EFHC2: variants seen among roughly 807,000 people sequenced by gnomAD.
EFHC2 encodes the protein EF-hand domain-containing family member C2.
In EFHC2, 18 loss-of-function variants were observed where a neutral mutation model predicts 52.7. That is an observed-to-expected ratio of 0.34 (90% CI 0.24 to 0.51). The LOEUF (loss-of-function observed/expected upper bound fraction) is 0.51, where lower values mean the gene tolerates loss of function less well. EFHC2 is among the 20% of genes least tolerant of loss of function. The probability of loss-of-function intolerance (pLI) is 0.97; values close to 1 mark genes in which losing one functional copy is unlikely to be tolerated. For missense variants in EFHC2, 513 were observed against 562.5 expected, an observed-to-expected ratio of 0.91 and a Z score of 0.89; for synonymous variants, 203 against 204.1, an observed-to-expected ratio of 0.99 and a Z score of 0.04.
intron 11 of EFHC2, among the ~76,000 whole-genome samples, chrX:44,226,933 G>A (rs2037237461): frequency 9.6e-6 from 1 of 103,628 alleles, no homozygotes; most frequent in African/African-American, 3.5e-5. Context: ...AGGAAGGAAG[G>A]AAGGAGAAGA....
At chrX:44,297,727 T>C (rs1333953994) in intron 2 of EFHC2, among the ~76,000 whole-genome samples, 1 of 59,929 alleles carries the variant, frequency 1.7e-5, no homozygotes. Flanking sequence ...AGACTCCATC[T>C]CAAAAAAAAA....
chrX:44,174,712 G>A (rs151313888), intron 13 of EFHC2, among the ~76,000 whole-genome samples: 169 of 108,663 alleles, frequency 1.6e-3, no homozygotes, highest in African/African-American at 5.3e-3. Context: ...CCATGTGGCT[G>A]GACTACTGGG....
At chrX:44,168,815 C>G (rs1341528100) in intron 13 of EFHC2, among the ~76,000 whole-genome samples, 1 of 110,764 alleles carries the variant, frequency 9.0e-6, no homozygotes, top group Non-Finnish European at 1.9e-5. Context: ...GGATTCTTCT[C>G]TCCACACTCT....
At position 44,148,558 on chromosome X, in the gene EFHC2, T is replaced by C; in HGVS notation, c.*237A>G. On this transcript the variant is annotated 3_prime_UTR_variant, in exon 15 of 15. Coordinates refer to ENST00000420999, the MANE Select transcript of EFHC2 (RefSeq NM_025184.4). ...TTTTTTGGTATTAATAAACCATACA[T>C]ATAATAAAAATATTCAACATGTTTT... 3.2e-6 allele frequency: 1 copy of C among 317,091 alleles called. No homozygotes were observed. Among genetic ancestry groups the C allele is most frequent in the East Asian group, 6.2e-5 (1 of 16,207 alleles). 26.1% of individuals were successfully genotyped at this position (317,091 alleles called of 1,213,427 possible).
chrX:44,235,742 C>A (rs907032705), intron 8 of EFHC2, among the ~76,000 whole-genome samples: 21 of 112,587 alleles, frequency 1.9e-4, no homozygotes, highest in Admixed American at 2.8e-4. Context: ...ACAGGCTGTT[C>A]TCTAATGACA....
chrX:44,308,083 T>C (rs1295696915), intron 2 of EFHC2, among the ~76,000 whole-genome samples: 3 of 112,170 alleles, frequency 2.7e-5, no homozygotes, highest in Admixed American at 9.5e-5. Flanking sequence ...GTGATTATTT[T>C]AAAGTATGAA....
chrX:44,300,725 T>C (rs1369233031), intron 2 of EFHC2, among the ~76,000 whole-genome samples: 2 of 111,541 alleles, frequency 1.8e-5, no homozygotes, highest in Admixed American at 9.5e-5. Flanking sequence ...GCCACAAGAT[T>C]AGTGATTATG....
At chrX:44,190,698 T>TG (rs2036913053) in intron 11 of EFHC2, among the ~76,000 whole-genome samples, 1 of 40,859 alleles carries the variant, frequency 2.4e-5, no homozygotes, top group Non-Finnish European at 4.1e-5. Flanking sequence ...ATAATGTTGA[T>TG]GGGGAAAAAA....
chrX:44,192,790 T>G (rs2036931926), intron 11 of EFHC2, among the ~76,000 whole-genome samples: 1 of 111,227 alleles, frequency 9.0e-6, no homozygotes, highest in Admixed American at 9.7e-5. Context: ...AAATGTGTTT[T>G]GTAAGTTCTA....
intron 13 of EFHC2, among the ~76,000 whole-genome samples, chrX:44,165,093 T>A (rs1030073239): frequency 7.2e-5 from 8 of 111,771 alleles, no homozygotes; most frequent in African/African-American, 2.6e-4. Flanking sequence ...AAATACAAAG[T>A]GGTCACTAGA....
At chrX:44,157,959 T>G (rs1030831346) in intron 14 of EFHC2, among the ~76,000 whole-genome samples, 1 of 111,077 alleles carries the variant, frequency 9.0e-6, no homozygotes, top group African/African-American at 3.3e-5. Context: ...ACTTCAAGAT[T>G]CCCCATCACT....
chrX:44,252,717 G>A (rs1428045527), intron 4 of EFHC2, among the ~76,000 whole-genome samples: 1 of 112,048 alleles, frequency 8.9e-6, no homozygotes, highest in East Asian at 2.8e-4. Flanking sequence ...TTTTCTCCCT[G>A]AGGGAATAAA....
rs149947383 is a variant in EFHC2, at chrX:44,317,347, G to A, written c.43-4591C>T. ...CAGTTTGCCAACATTCTGCATTTAT[G>A]AGAAAGTTTGCTGTTTACTCATATA... On this transcript the variant is annotated intron_variant, in intron 1 of 14. Transcript: ENST00000420999. 1.2e-3 allele frequency among the ~76,000 whole-genome samples: 132 copies of A among 112,561 alleles called. 1 individual carries two copies. Among genetic ancestry groups the A allele is most frequent in the African/African-American group, 4.0e-3 (125 of 31,060 alleles).
chrX:44,283,675 CTTTT>C (rs35434534), intron 2 of EFHC2, among the ~76,000 whole-genome samples: 9 of 42,591 alleles, frequency 2.1e-4, no homozygotes, highest in African/African-American at 9.0e-4. Context: ...ACGGAAGTAC[CTTTT>C]TTTTTTTTTT....
intron 3 of EFHC2, among the ~76,000 whole-genome samples, chrX:44,263,234 T>C (rs1174813070): frequency 8.9e-6 from 1 of 112,423 alleles, no homozygotes; most frequent in Non-Finnish European, 1.9e-5. Flanking sequence ...ATGGAGGTAT[T>C]TTAATATAAA....
chrX:44,280,030 T>TACACACACACACAC (rs766337222), intron 2 of EFHC2, among the ~76,000 whole-genome samples: 1,110 of 66,769 alleles, frequency 0.017, 49 homozygotes, highest in African/African-American at 0.039. Flanking sequence ...CCATCCCCCA[T>TACACACACACACAC]ACACACACAC....
chrX:44,233,608 T>C (rs1218815916), intron 9 of EFHC2, among the ~76,000 whole-genome samples: 2 of 111,478 alleles, frequency 1.8e-5, no homozygotes, highest in Non-Finnish European at 3.8e-5. Flanking sequence ...AAATGATAGG[T>C]GGTAAAAAGA....
chrX:44,323,885 C>G (rs1569308909), intron 1 of EFHC2, among the ~76,000 whole-genome samples: 1 of 111,428 alleles, frequency 9.0e-6, no homozygotes, highest in Non-Finnish European at 1.9e-5. Flanking sequence ...CTGCTTCTAA[C>G]CTCCAGGCTG....
At chrX:44,342,152 G>C (rs751221484) in intron 1 of EFHC2, among the ~76,000 whole-genome samples, 41 of 112,633 alleles carry the variant, frequency 3.6e-4, no homozygotes, top group Middle Eastern at 4.6e-3. Flanking sequence ...GCCAGCCTCT[G>C]CCCATCAACC....
Sources: allele counts gnomAD v4.1 joint callset (sites outside exome capture counted in the v4.1 genomes callset), GRCh38; gene constraint gnomAD v4.1.1; transcripts MANE v1.5; gene names NCBI Gene and HGNC (gene_info 2026-07-23, HGNC 2026-07-21).